Variants in CSMD1 observed in about 807,000 individuals in gnomAD.
CSMD1 encodes the protein CUB and Sushi multiple domains 1.
Under a neutral mutation model 417.5 loss-of-function variants are expected in CSMD1, and 213 were observed. The observed-to-expected ratio is 0.51, with a 90% CI of 0.46 to 0.57. The LOEUF (loss-of-function observed/expected upper bound fraction) is 0.57, where lower values mean the gene tolerates loss of function less well. Among genes scored for constraint, CSMD1 ranks in the 20% least tolerant of loss-of-function variants. The pLI is 0.00. For synonymous variants in CSMD1, 2,862 were observed against 1,736.8 expected (o/e 1.65, Z -16.11); for missense variants, 6,923 against 4,529.7 (o/e 1.53, Z -15.17).
intron 1 of CSMD1, among the ~76,000 whole-genome samples, chr8:4,816,294 C>T (rs1033822895): frequency 5.9e-5 from 9 of 152,000 alleles, no homozygotes; most frequent in Middle Eastern, 6.3e-3. Context: ...AAGGGATTCT[C>T]CTGCCTCAGC....
rs759268228 is a variant in CSMD1 at position 4,530,314 on chromosome 8, C to CTTTTTTTT, written c.302+107020_302+107027dup. 7.7e-3 allele frequency among the ~76,000 whole-genome samples: 357 copies of CTTTTTTTT among 46,666 alleles called. 66 individuals are homozygous for CTTTTTTTT. Among genetic ancestry groups the CTTTTTTTT allele is most frequent in the South Asian group, 0.035 (25 of 706 alleles). The allele number at this position is 46,666 out of a possible 152,430, so 30.6% of individuals were successfully genotyped here. A position where few individuals can be genotyped will look rare whatever the true frequency, so the allele number is the denominator to read the frequency against. ...TTCACAGTTTATCGTACAGGTAGTG[C>CTTTTTTTT]TTTTTTTTTTTTTTTTTTTTTTTTT... is the stretch of plus-strand genomic sequence containing the variant. On this transcript the variant is annotated intron_variant, in intron 2 of 69. Transcript: ENST00000635120.
intron 3 of CSMD1, among the ~76,000 whole-genome samples, chr8:4,075,858 C>T (rs1434536961): frequency 6.6e-6 from 1 of 152,070 alleles, no homozygotes; most frequent in South Asian, 2.1e-4. Flanking sequence ...CCTCAGGGAG[C>T]CAGTTCATAT....
rs537490124 is a variant in CSMD1, at chr8:3,333,056, CCA to C, written c.3631+10236_3631+10237del. Among the ~76,000 whole-genome samples the C allele has an allele frequency of 7.9e-5, 12 of 151,998 alleles. No homozygotes were observed. The South Asian group carries it at 2.5e-3, about 32-fold the overall frequency. ...AGAAGCCAGCAAGGACACGCCCTGC[CCA>C]GAGAAGACCACAGCCACGTGGCAGG... On this transcript the variant is annotated intron_variant, in intron 23 of 69. Transcript: ENST00000635120.
rs1201685609 is a variant in CSMD1, at chr8:3,566,222, G to C, written c.1344+8723C>G. Among the ~76,000 whole-genome samples, 4 of 151,926 alleles carry C rather than the reference G, an allele frequency of 2.6e-5. 1 individual carries two copies. The highest frequency in any genetic ancestry group is 4.2e-4 in the South Asian group (2 of 4,816). On this transcript the variant is annotated intron_variant, in intron 10 of 69. Transcript: ENST00000635120. ...AGGAAAAGGAGGAGGAGAGGGAAGA[G>C]GAAGGGGATGAGAAAAAGGAGGATG...
Position 3,931,217 on chromosome 8 carries a change from G to C in CSMD1, c.818+66686C>G, listed in dbSNP as rs558689730. 4.3e-4 allele frequency among the ~76,000 whole-genome samples: 65 copies of C among 150,636 alleles called. 4 individuals carry two copies. The South Asian group carries it at 0.013, about 31-fold the overall frequency. The stretch of plus-strand genomic sequence containing the variant: ...TTTAGGAAGACACTAAATAAATGAG[G>C]TTCGGAGAATGATAATACATTTTGT... On this transcript the variant is annotated intron_variant, in intron 5 of 69. Transcript: ENST00000635120.
chr8:3,872,058 T>C (rs1453293151), intron 5 of CSMD1, among the ~76,000 whole-genome samples: 1 of 152,240 alleles, frequency 6.6e-6, no homozygotes, highest in African/African-American at 2.4e-5. Context: ...ATTGCTCTTT[T>C]AGGATACAAC....
intron 1 of CSMD1, among the ~76,000 whole-genome samples, chr8:4,713,033 T>C (rs1808410041): frequency 6.6e-6 from 1 of 152,216 alleles, no homozygotes; most frequent in African/African-American, 2.4e-5. Flanking sequence ...AGGTGTGATC[T>C]TAGGGATACT....
At chr8:3,338,253 C>A (rs149767925) in intron 23 of CSMD1, among the ~76,000 whole-genome samples, 1 of 152,176 alleles carries the variant, frequency 6.6e-6, no homozygotes, top group African/African-American at 2.4e-5. Context: ...GGCATCCACG[C>A]CTCTATGCCC....
chr8:4,295,425 AATCTT>A (rs1221847502), intron 3 of CSMD1, among the ~76,000 whole-genome samples: 1 of 144,560 alleles, frequency 6.9e-6, no homozygotes, highest in African/African-American at 2.5e-5. Flanking sequence ...ATACACATAT[AATCTT>A]AAGATATATA....
At chr8:3,539,093 C>A (rs888915140) in intron 10 of CSMD1, among the ~76,000 whole-genome samples, 1 of 152,190 alleles carries the variant, frequency 6.6e-6, no homozygotes, top group East Asian at 1.9e-4. Flanking sequence ...AGTCTTGCCC[C>A]AGTCCCTTTC....
intron 5 of CSMD1, among the ~76,000 whole-genome samples, chr8:3,839,760 C>T (rs77352446): frequency 0.017 from 2,532 of 151,256 alleles, 63 homozygotes; most frequent in African/African-American, 0.057. Context: ...AGTGCTGCCA[C>T]TGCTCAGAGA....
At chr8:3,637,276 C>T (rs541307192) in intron 7 of CSMD1, among the ~76,000 whole-genome samples, 13 of 152,066 alleles carry the variant, frequency 8.5e-5, no homozygotes, top group Non-Finnish European at 1.8e-4. Flanking sequence ...GTCTCACTTG[C>T]TAGTTGTGTA....
intron 5 of CSMD1, among the ~76,000 whole-genome samples, chr8:3,898,239 T>C (rs1011879615): frequency 1.3e-5 from 2 of 152,024 alleles, no homozygotes; most frequent in Non-Finnish European, 2.9e-5. Context: ...AAAATAAAAA[T>C]AGCTCAGATA....
chr8:4,792,430 A>T (rs1292759596), intron 1 of CSMD1, among the ~76,000 whole-genome samples: 3 of 152,170 alleles, frequency 2.0e-5, no homozygotes, highest in Non-Finnish European at 4.4e-5. Flanking sequence ...GCAGTGGTAC[A>T]GCCAATCAGT....
chr8:3,837,159 A>C (rs1435615248), intron 5 of CSMD1, among the ~76,000 whole-genome samples: 3 of 152,164 alleles, frequency 2.0e-5, no homozygotes, highest in Non-Finnish European at 2.9e-5. Flanking sequence ...AGGAAAAAAA[A>C]AAATCTGTTC....
intron 4 of CSMD1, among the ~76,000 whole-genome samples, chr8:4,015,787 A>G (rs987908029): frequency 5.9e-5 from 9 of 152,138 alleles, no homozygotes; most frequent in African/African-American, 2.4e-5. Context: ...GTATGTGTTC[A>G]GACAAAAACA....
chr8:3,483,159 G>GA, intron 11 of CSMD1, among the ~76,000 whole-genome samples: 1 of 151,820 alleles, frequency 6.6e-6, no homozygotes, highest in South Asian at 2.1e-4. Flanking sequence ...ATAAACAGTA[G>GA]AAAAAATAAC....
intron 3 of CSMD1, among the ~76,000 whole-genome samples, chr8:4,293,934 C>T (rs1453848112): frequency 6.6e-6 from 1 of 151,860 alleles, no homozygotes; most frequent in Non-Finnish European, 1.5e-5. Flanking sequence ...GAGCTTTCCA[C>T]ACTTTTAAAC....
chr8:3,917,669 G>A (rs1240752472), intron 5 of CSMD1, among the ~76,000 whole-genome samples: 2 of 151,918 alleles, frequency 1.3e-5, no homozygotes, highest in Non-Finnish European at 2.9e-5. Flanking sequence ...GCAAAAAGTT[G>A]TACACATGTA....
Sources: gnomAD v4.1 joint callset for allele counts (sites outside exome capture counted in the v4.1 genomes callset) on GRCh38, gnomAD v4.1.1 for gene constraint, MANE v1.5 for transcripts, NCBI Gene and HGNC (gene_info 2026-07-23, HGNC 2026-07-21) for gene names.